Variants in PALLD observed in about 807,000 individuals in gnomAD.
PALLD encodes the protein palladin.
In PALLD, 61 loss-of-function variants were observed where a neutral mutation model predicts 123.5. The ratio of observed to expected loss-of-function variants is 0.49; its 90% CI spans 0.40 to 0.61. The LOEUF (loss-of-function observed/expected upper bound fraction) is 0.61, where lower values mean the gene tolerates loss of function less well. PALLD is among the 20% of genes least tolerant of loss of function. The probability of loss-of-function intolerance (pLI) is 0.00; values close to 1 mark genes in which losing one functional copy is unlikely to be tolerated. For synonymous variants in PALLD, 465 were observed against 496.4 expected, an observed-to-expected ratio of 0.94 and a Z score of 0.84; for missense variants, 1,273 against 1,377.0, an observed-to-expected ratio of 0.92 and a Z score of 1.20.
chr4:168,866,231 C>T lies in PALLD; in HGVS notation c.1965-24691C>T, dbSNP rs892945981. ...AGTGAGCCAAGATGACACCACTTTACTCCAGCCTGGGTGACAGAGCAAGAC... is the reference window on the plus strand; with the variant it reads ...AGTGAGCCAAGATGACACCACTTTATTCCAGCCTGGGTGACAGAGCAAGAC... On this transcript the variant is annotated intron_variant, in intron 10 of 21. Coordinates refer to ENST00000505667, the MANE Select transcript of PALLD (RefSeq NM_001166108.2). Among the ~76,000 whole-genome samples the T allele has an allele frequency of 2.6e-5, 4 of 152,224 alleles. No homozygotes were observed. The South Asian group carries it at 6.2e-4, about 24-fold the overall frequency.
chr4:168,875,200 C>T (rs189435145), intron 10 of PALLD, among the ~76,000 whole-genome samples: 1 of 149,600 alleles, frequency 6.7e-6, no homozygotes, highest in Non-Finnish European at 1.5e-5. Flanking sequence ...GAAAAGACAG[C>T]AGAAAAAAAA....
At chr4:168,675,054 C>T (rs1207868235) in intron 3 of PALLD, among the ~76,000 whole-genome samples, 4 of 152,160 alleles carry the variant, frequency 2.6e-5, no homozygotes, top group Non-Finnish European at 5.9e-5. Context: ...AGGAAAGATC[C>T]ATGTAAACAT....
chr4:168,719,252 CTTTTTTTTTT>C (rs869040811), intron 10 of PALLD, among the ~76,000 whole-genome samples: 3 of 85,698 alleles, frequency 3.5e-5, no homozygotes, highest in Non-Finnish European at 4.2e-5. Flanking sequence ...AAGTAATCTT[CTTTTTTTTTT>C]TTTTTTTTTT....
chr4:168,697,918 C>T (rs918974782), intron 8 of PALLD, among the ~76,000 whole-genome samples: 4 of 152,092 alleles, frequency 2.6e-5, no homozygotes, highest in African/African-American at 9.7e-5. Context: ...ATCTGCACTC[C>T]CATGTTTGTT....
intron 2 of PALLD, among the ~76,000 whole-genome samples, chr4:168,572,786 T>G (rs1769129978): frequency 6.6e-6 from 1 of 151,734 alleles, no homozygotes; most frequent in African/African-American, 2.4e-5. Flanking sequence ...CAAGCCATCC[T>G]TCCACGGACA....
chr4:168,927,306 T>TTTC lies in PALLD; in HGVS notation c.*1129_*1131dup, dbSNP rs1762689296. 1 of 231,680 alleles carries TTTC rather than the reference T, an allele frequency of 4.3e-6. No individual in the cohort carries two copies. The highest frequency in any genetic ancestry group is 5.6e-5 in the Admixed American group (1 of 17,720). The allele number at this position is 231,680 out of a possible 1,614,324, so 14.4% of individuals were successfully genotyped here. On this transcript the variant is annotated 3_prime_UTR_variant, in exon 22 of 22. Coordinates refer to ENST00000505667, the MANE Select transcript of PALLD (RefSeq NM_001166108.2). ...CAGGAGAGGTAGCAAAGGCCAGGCT[T>TTTC]TTCTTTGGTTTTCTTCAAACATAGG...
In PALLD at chr4:168,670,010, A is replaced by G. The variant is rs984033548; in HGVS notation, c.1087+1642A>G. Among the ~76,000 whole-genome samples, 10 of 152,344 alleles carry G rather than the reference A, an allele frequency of 6.6e-5. No individual in the cohort carries two copies. In the East Asian group the frequency reaches 1.9e-3, roughly 29 times the overall value. Reference sequence around the variant, plus strand: ...GTATTTCAAAATGCTGCATGAATGAAAAATGAATGATAAAAAGATGTTTAA... The same window carrying G: ...GTATTTCAAAATGCTGCATGAATGAGAAATGAATGATAAAAAGATGTTTAA... On this transcript the variant is annotated intron_variant, in intron 3 of 21. Coordinates refer to ENST00000505667, the MANE Select transcript of PALLD (RefSeq NM_001166108.2).
intron 2 of PALLD, among the ~76,000 whole-genome samples, chr4:168,531,239 T>C (rs536145510): frequency 6.6e-6 from 1 of 152,334 alleles, no homozygotes; most frequent in African/African-American, 2.4e-5. Flanking sequence ...AAGACTGCTT[T>C]GGAGTAACAA....
At chr4:168,794,154 C>G (rs552086107) in intron 10 of PALLD, among the ~76,000 whole-genome samples, 2 of 152,182 alleles carry the variant, frequency 1.3e-5, no homozygotes, top group South Asian at 2.1e-4. Flanking sequence ...GTTCCCTCCC[C>G]CTGCAGGATG....
At chr4:168,535,260 T>A (rs1389812639) in intron 2 of PALLD, among the ~76,000 whole-genome samples, 5 of 152,222 alleles carry the variant, frequency 3.3e-5, no homozygotes, top group African/African-American at 9.7e-5. Flanking sequence ...TTATATTTTT[T>A]AAAGTATTTT....
intron 10 of PALLD, among the ~76,000 whole-genome samples, chr4:168,776,654 T>C (rs1176961907): frequency 6.6e-6 from 1 of 152,178 alleles, no homozygotes; most frequent in African/African-American, 2.4e-5. Flanking sequence ...TGCCCTTTAT[T>C]AGATTAAGGC....
intron 2 of PALLD, among the ~76,000 whole-genome samples, chr4:168,594,567 C>T (rs1771790704): frequency 1.3e-5 from 2 of 152,268 alleles, no homozygotes; most frequent in Admixed American, 1.3e-4. Context: ...CATTTGTAGT[C>T]AGACCAAAGA....
chr4:168,674,656 T>G (rs1027096033), intron 3 of PALLD, among the ~76,000 whole-genome samples: 1 of 152,114 alleles, frequency 6.6e-6, no homozygotes, highest in Non-Finnish European at 1.5e-5. Flanking sequence ...GTGGATGTTG[T>G]CAGCGATTTT....
chr4:168,821,177 A>T (rs991086437), intron 10 of PALLD, among the ~76,000 whole-genome samples: 1 of 152,198 alleles, frequency 6.6e-6, no homozygotes, highest in African/African-American at 2.4e-5. Context: ...TGAAGGAATT[A>T]TCTTTACCTA....
At chr4:168,558,197 A>G (rs1168079611) in intron 2 of PALLD, among the ~76,000 whole-genome samples, 1 of 152,104 alleles carries the variant, frequency 6.6e-6, no homozygotes, top group East Asian at 1.9e-4. Context: ...TTCATGTCCC[A>G]TGTTTACTCA....
chr4:168,773,553 C>T (rs1734741449), intron 10 of PALLD, among the ~76,000 whole-genome samples: 1 of 152,220 alleles, frequency 6.6e-6, no homozygotes, highest in Non-Finnish European at 1.5e-5. Context: ...CACCACTTCA[C>T]AGGTGAGAAA....
At chr4:168,648,107 CTT>C (rs1777661818) in intron 2 of PALLD, 1 of 152,034 alleles carries the variant, frequency 6.6e-6, no homozygotes, top group Non-Finnish European at 1.5e-5. Context: ...TTGTCTGCTT[CTT>C]ATAAAGAGAT....
At chr4:168,764,764 A>G (rs1190605254) in intron 10 of PALLD, among the ~76,000 whole-genome samples, 1 of 151,980 alleles carries the variant, frequency 6.6e-6, no homozygotes, top group East Asian at 1.9e-4. Context: ...CTTAGAGATG[A>G]CCGTACCATC....
At chr4:168,894,543 T>C (rs1438671138) in intron 11 of PALLD, 36 bp from the exon 12 acceptor site, 1 of 1,382,644 alleles carries the variant, frequency 7.2e-7, no homozygotes, top group South Asian at 1.2e-5. Context: ...GTGATTTTTT[T>C]CTAATTTTGT....
Sources: allele counts gnomAD v4.1 joint callset (sites outside exome capture counted in the v4.1 genomes callset), GRCh38; gene constraint gnomAD v4.1.1; transcripts MANE v1.5; gene names NCBI Gene and HGNC (gene_info 2026-07-23, HGNC 2026-07-21).